The following ILRUN variants were observed in gnomAD, a reference collection of about 807,000 sequenced individuals.
The protein encoded by ILRUN is protein ILRUN.
In ILRUN, 3 loss-of-function variants were observed where a neutral mutation model predicts 33.8. The ratio of observed to expected loss-of-function variants is 0.09; its 90% CI spans 0.04 to 0.23. The LOEUF is 0.23. Among genes scored for constraint, ILRUN ranks in the 10% least tolerant of loss-of-function variants. The probability of loss-of-function intolerance (pLI) is 1.00; values close to 1 mark genes in which losing one functional copy is unlikely to be tolerated. For missense variants in ILRUN, 210 were observed against 375.1 expected (o/e 0.56, Z 3.64); for synonymous variants, 124 against 138.9 (o/e 0.89, Z 0.75).
intron 3 of ILRUN, among the ~76,000 whole-genome samples, chr6:34,637,690 C>T (rs1300416301): frequency 6.6e-6 from 1 of 152,168 alleles, no homozygotes. Context: ...ACTGCCTAGA[C>T]ATTCAATATC....
chr6:34,682,021 C>CTTTTTTTTTTTTTTTTTTTTTTTTTTTT lies in ILRUN; in HGVS notation c.158+14424_158+14425insAAAAAAAAAAAAAAAAAAAAAAAAAAAA, dbSNP rs1377020252. Among the ~76,000 whole-genome samples the CTTTTTTTTTTTTTTTTTTTTTTTTTTTT allele has an allele frequency of 5.4e-5, 7 of 130,082 alleles. 1 individual carries two copies. The highest frequency in any genetic ancestry group is 1.5e-4 in the African/African-American group (5 of 33,724). The allele number at this position is 130,082 out of a possible 152,430, so 85.3% of individuals were successfully genotyped here. ...TGCATGCCACCACACCCCACTAATT[C>CTTTTTTTTTTTTTTTTTTTTTTTTTTTT]TTATATTTTTATTTTTTTACTTTTT... On this transcript the variant is annotated intron_variant, in intron 1 of 4. Transcript: ENST00000374023.
intron 2 of ILRUN, among the ~76,000 whole-genome samples, chr6:34,649,654 T>C (rs1222336638): frequency 6.6e-6 from 1 of 152,142 alleles, no homozygotes; most frequent in African/African-American, 2.4e-5. Context: ...TATACAATTA[T>C]AGAAATAGTC....
rs746054761 is a variant in ILRUN, at chr6:34,606,747, A to T, written c.669T>A (p.Asp223Glu). ...FASPQKNRQS[D>E]ENNLKDPGGS... The stretch of plus-strand genomic sequence containing the variant: ...CCCCAGGGTCTTTTAAGTTGTTTTC[A>T]TCTGATTGTCGGTTCTTTTGGGGAG... Residue 223 changes from aspartate (D) to glutamate (E), a missense_variant, in exon 4 of 5, where the codon GAT becomes GAA. This residue lies in a region of ILRUN where 81 missense variants were observed against 97.0 expected (regional missense o/e 0.84). Transcript: ENST00000374023. The T allele has an allele frequency of 3.2e-5, 51 of 1,614,000 alleles. 1 individual carries two copies. The South Asian group carries it at 5.1e-4, about 16-fold the overall frequency.
intron 3 of ILRUN, among the ~76,000 whole-genome samples, chr6:34,638,382 C>T (rs1384838093): frequency 6.6e-6 from 1 of 152,058 alleles, no homozygotes; most frequent in Admixed American, 6.5e-5. Context: ...AAATATTTTC[C>T]ATACAAGTCA....
intron 1 of ILRUN, among the ~76,000 whole-genome samples, chr6:34,667,648 T>A (rs1448785238): frequency 6.6e-6 from 1 of 152,156 alleles, no homozygotes; most frequent in Non-Finnish European, 1.5e-5. Flanking sequence ...TTTAGCATAG[T>A]CAGTAATAGG....
chr6:34,613,321 T>C (rs982474698), intron 3 of ILRUN, among the ~76,000 whole-genome samples: 3 of 152,184 alleles, frequency 2.0e-5, no homozygotes, highest in Non-Finnish European at 4.4e-5. Flanking sequence ...AAGTTGGAGC[T>C]CACATCCATA....
At chr6:34,599,440 T>C (rs1761464734) in intron 4 of ILRUN, among the ~76,000 whole-genome samples, 1 of 152,306 alleles carries the variant, frequency 6.6e-6, no homozygotes, top group South Asian at 2.1e-4. Context: ...GAAACATTTC[T>C]GGTTGTTACA....
intron 1 of ILRUN, among the ~76,000 whole-genome samples, chr6:34,680,944 TTTTAAAAA>T (rs1378701970): frequency 6.6e-6 from 1 of 151,996 alleles, no homozygotes; most frequent in African/African-American, 2.4e-5. Flanking sequence ...AATACAATCA[TTTTAAAAA>T]TTTAAAAATA....
intron 3 of ILRUN, among the ~76,000 whole-genome samples, chr6:34,619,578 C>T (rs2127338298): frequency 6.6e-6 from 1 of 152,272 alleles, no homozygotes; most frequent in East Asian, 1.9e-4. Context: ...TGGTCTTCAA[C>T]TCCTGGGCTG....
intron 1 of ILRUN, among the ~76,000 whole-genome samples, chr6:34,659,711 T>A (rs1017765632): frequency 1.6e-5 from 2 of 128,634 alleles, no homozygotes; most frequent in African/African-American, 6.0e-5. Flanking sequence ...AACCTCCACC[T>A]CCCGGGTTCA....
intron 3 of ILRUN, among the ~76,000 whole-genome samples, chr6:34,613,169 G>A (rs1389281994): frequency 6.6e-6 from 1 of 152,010 alleles, no homozygotes; most frequent in Admixed American, 6.6e-5. Flanking sequence ...AGCCGAGATC[G>A]CATCACTGCA....
intron 3 of ILRUN, among the ~76,000 whole-genome samples, chr6:34,607,803 C>T (rs1274588465): frequency 6.6e-6 from 1 of 152,110 alleles, no homozygotes; most frequent in Non-Finnish European, 1.5e-5. Context: ...TGTATCTAAA[C>T]GTATCTAAGG....
chr6:34,613,531 T>C (rs144975340), intron 3 of ILRUN, among the ~76,000 whole-genome samples: 1 of 152,344 alleles, frequency 6.6e-6, no homozygotes, highest in African/African-American at 2.4e-5. Context: ...TGATGGGATA[T>C]AATTCTGAAA....
Position 34,678,683 on chromosome 6 carries a change from TAAAAATAC to T in ILRUN, c.158+17755_158+17762del, listed in dbSNP as rs1281132963. 2.0e-5 allele frequency among the ~76,000 whole-genome samples: 3 copies of T among 150,838 alleles called. No individual in the cohort carries two copies. In the East Asian group the frequency reaches 5.9e-4, roughly 30 times the overall value. ...TAACACGGTGAAACCCCATCTCTAC[TAAAAATAC>T]AAAAATACAAAAAATTAGCCGGGTG... is the stretch of plus-strand genomic sequence containing the variant. On this transcript the variant is annotated intron_variant, in intron 1 of 4. Coordinates refer to ENST00000374023, the MANE Select transcript of ILRUN (RefSeq NM_024294.4).
chr6:34,681,163 A>G (rs1043285316), intron 1 of ILRUN, among the ~76,000 whole-genome samples: 2 of 152,188 alleles, frequency 1.3e-5, no homozygotes, highest in African/African-American at 4.8e-5. Context: ...TGGTTGCTTC[A>G]TAAGAGGCTG....
rs377395768 is a variant in ILRUN, at chr6:34,630,530, C to T, written c.511+16071G>A. Among the ~76,000 whole-genome samples, 64 of 152,186 alleles carry T rather than the reference C, an allele frequency of 4.2e-4. No homozygotes were observed. The South Asian group carries it at 0.01, about 24-fold the overall frequency. The stretch of plus-strand genomic sequence containing the variant: ...TCCCGAGTAGCTGGGTCTACAGGCA[C>T]GTACCACCATACCCAGCTAATTTTT... On this transcript the variant is annotated intron_variant, in intron 3 of 4. Transcript: ENST00000374023.
chr6:34,686,106 A>C (rs779260325), intron 1 of ILRUN, among the ~76,000 whole-genome samples: 1 of 152,188 alleles, frequency 6.6e-6, no homozygotes. Context: ...ACATTTGTGA[A>C]TCATAGGACA....
In ILRUN at chr6:34,646,884, C is replaced by T; in HGVS notation, c.314-86G>A. 2 of 1,217,052 alleles carry T rather than the reference C, an allele frequency of 1.6e-6. No individual in the cohort carries two copies. The highest frequency in any genetic ancestry group is 2.4e-6 in the Non-Finnish European group (2 of 841,938). The allele number at this position is 1,217,052 out of a possible 1,614,324, so 75.4% of individuals were successfully genotyped here. ...TATTATGAAACTGTAGAAGAGGCCT[C>T]TTTCTTTTTCTCACATACATACATA... is the stretch of plus-strand genomic sequence containing the variant. On this transcript the variant is annotated intron_variant, in intron 2 of 4. Transcript: ENST00000374023. The surrounding 1 kb of genome is among the most constrained non-coding windows in gnomAD (Gnocchi z 4.9).
At chr6:34,628,433 C>T (rs1258313580) in intron 3 of ILRUN, among the ~76,000 whole-genome samples, 1 of 152,106 alleles carries the variant, frequency 6.6e-6, no homozygotes, top group Non-Finnish European at 1.5e-5. Context: ...ACGCCATTCT[C>T]CTGCCTCAGC....
Sources: gnomAD v4.1 joint callset for allele counts (sites outside exome capture counted in the v4.1 genomes callset) on GRCh38, gnomAD v4.1.1 for gene constraint, gnomAD v4.1.1 regional missense constraint, Gnocchi (gnomAD v3.1) non-coding constraint, MANE v1.5 for transcripts, NCBI Gene and HGNC (gene_info 2026-07-23, HGNC 2026-07-21) for gene names.